The following HAUS7 variants were observed in gnomAD, a reference collection of about 807,000 sequenced individuals.
HAUS7 encodes the protein HAUS augmin like complex subunit 7.
Under a neutral mutation model 28.4 loss-of-function variants are expected in HAUS7, and 3 were observed. The ratio of observed to expected loss-of-function variants is 0.11; its 90% CI spans 0.05 to 0.27. HAUS7 has a LOEUF of 0.27. Among genes scored for constraint, HAUS7 ranks in the 10% least tolerant of loss-of-function variants. The probability of loss-of-function intolerance (pLI) is 1.00; values close to 1 mark genes in which losing one functional copy is unlikely to be tolerated. For missense variants in HAUS7, 284 were observed against 297.3 expected (o/e 0.96, Z 0.33); for synonymous variants, 165 against 132.1 (o/e 1.25, Z -1.71).
upstream of HAUS7, among the ~76,000 whole-genome samples, chrX:153,473,919 C>T (rs1411074205): frequency 8.9e-6 from 1 of 112,378 alleles, no homozygotes; most frequent in Non-Finnish European, 1.9e-5. Context: ...CATGCAGGCT[C>T]AGTACCCAGG....
chrX:153,482,222 C>T (rs2089605190), intron 1 of HAUS7: 1 of 626,508 alleles, frequency 1.6e-6, no homozygotes, highest in Non-Finnish European at 1.9e-6. Flanking sequence ...ATGCCACCAA[C>T]AGAGTGCCCT....
At chrX:153,486,577 C>T (rs1602960591) in intron 1 of HAUS7, 8 of 916,857 alleles carry the variant, frequency 8.7e-6, no homozygotes, top group Non-Finnish European at 1.2e-5. Context: ...TGATGCCTAC[C>T]CCGTCTTTCC....
intron 1 of HAUS7, among the ~76,000 whole-genome samples, chrX:153,488,257 T>G (rs1333922684): frequency 1.8e-5 from 2 of 113,022 alleles, no homozygotes; most frequent in African/African-American, 6.4e-5. Flanking sequence ...GGGCACGGCC[T>G]TCCCATTCCC....
intron 4 of HAUS7, among the ~76,000 whole-genome samples, chrX:153,461,371 T>C (rs943903934): frequency 6.3e-5 from 7 of 110,631 alleles, no homozygotes; most frequent in Admixed American, 4.8e-4. Flanking sequence ...GGAGCCCCCG[T>C]GTGCAGGGTG....
intron 1 of HAUS7, chrX:153,486,058 G>A: frequency 1.0e-6 from 1 of 963,581 alleles, no homozygotes; most frequent in Non-Finnish European, 1.3e-6. Context: ...TGGGCCTCAA[G>A]GGACTGCAGG....
In HAUS7 at chrX:153,469,253, G is replaced by A; in HGVS notation, c.117C>T (p.Asn39=). The A allele has an allele frequency of 9.5e-7, 1 of 1,057,031 alleles. No homozygotes were observed. The highest frequency in any genetic ancestry group is 1.3e-6 in the Non-Finnish European group (1 of 756,127). The allele number at this position is 1,057,031 out of a possible 1,213,427, so 87.1% of individuals were successfully genotyped here. A position where few individuals can be genotyped will look rare whatever the true frequency, so the allele number is the denominator to read the frequency against. ...VEVFGKLKDL[N]CPFLEGLYIT... ...TATACAGACCCTCGAGGAAGGGGCA[G>A]TTTAGGTCCTAAGCAAGGAAAAGGA... The change falls in exon 2 of 10, where the codon AAC becomes AAT. Residue 39 remains asparagine, a synonymous_variant. Coordinates refer to ENST00000370211, the MANE Select transcript of HAUS7 (RefSeq NM_001385482.1).
chrX:153,488,085 C>T (rs1458677491), intron 1 of HAUS7, among the ~76,000 whole-genome samples: 1 of 112,961 alleles, frequency 8.9e-6, no homozygotes, highest in East Asian at 2.8e-4. Context: ...AGGTGACAGG[C>T]ATGAAGGATG....
At position 153,486,644 on chromosome X, in the gene HAUS7, A is replaced by T. The variant is rs375625536; in HGVS notation, c.-589+8730T>A. Reference sequence around the variant, plus strand: ...CTCCCTTGCAGACAAGTGCCCTTGAATTCCATCTGTGACATGCGCGTGGCT... The same window carrying T: ...CTCCCTTGCAGACAAGTGCCCTTGATTTCCATCTGTGACATGCGCGTGGCT... On this transcript the variant is annotated intron_variant, in intron 1 of 5. Transcript: ENST00000370210. 109 of 981,312 alleles carry T rather than the reference A, an allele frequency of 1.1e-4. No individual in the cohort carries two copies. In the East Asian group the frequency reaches 5.2e-3, roughly 47 times the overall value. The allele number at this position is 981,312 out of a possible 1,213,427, so 80.9% of individuals were successfully genotyped here. A position where few individuals can be genotyped will look rare whatever the true frequency, so the allele number is the denominator to read the frequency against.
intron 1 of HAUS7, chrX:153,487,100 C>T (rs920459787): frequency 4.1e-6 from 1 of 241,597 alleles, no homozygotes; most frequent in African/African-American, 2.9e-5. Flanking sequence ...CTCCCATGTC[C>T]GTGCGGTTCC....
chrX:153,480,992 G>C, intron 1 of HAUS7: 2 of 755,100 alleles, frequency 2.6e-6, no homozygotes, highest in Non-Finnish European at 3.1e-6. Context: ...TGAAACCCAG[G>C]AGGCCCCCCA....
intron 1 of HAUS7, among the ~76,000 whole-genome samples, chrX:153,493,461 G>A (rs917160689): frequency 3.6e-5 from 4 of 112,109 alleles, no homozygotes; most frequent in Admixed American, 2.8e-4. Flanking sequence ...AGAGTCGGAC[G>A]CTGAGGCTGG....
At chrX:153,456,795 C>G in intron 5 of HAUS7, 144 bp from the exon 6 acceptor site, 1 of 495,925 alleles carries the variant, frequency 2.0e-6, no homozygotes, top group Non-Finnish European at 3.3e-6. Context: ...AATCCTGCCC[C>G]ACCTGTCTGC....
chrX:153,494,209 G>A (rs782236957), intron 1 of HAUS7, among the ~76,000 whole-genome samples: 210 of 112,271 alleles, frequency 1.9e-3, no homozygotes, highest in African/African-American at 6.4e-3. Flanking sequence ...CCAGCACAGG[G>A]CTGAGCCCAG....
upstream of HAUS7, chrX:153,471,228 C>A: frequency 4.0e-6 from 1 of 250,729 alleles, no homozygotes; most frequent in Admixed American, 5.1e-5. Flanking sequence ...CCTCTTTGCC[C>A]TCACCTAATG....
intron 1 of HAUS7, chrX:153,481,575 C>T (rs917883359): frequency 2.6e-6 from 2 of 756,267 alleles, no homozygotes; most frequent in Non-Finnish European, 3.1e-6. Context: ...AGGCAGTCAT[C>T]GCCTGTGGCA....
At chrX:153,454,589 C>T (rs371820008) in intron 8 of HAUS7, 81 bp from the exon 9 acceptor site, 5 of 583,781 alleles carry the variant, frequency 8.6e-6, no homozygotes, top group East Asian at 3.6e-5. Context: ...GTAGCGACGG[C>T]ATCTCCTGCT....
At chrX:153,454,299 G>C (rs1444719121) in intron 9 of HAUS7, 95 bp downstream of exon 9, 5 of 526,448 alleles carry the variant, frequency 9.5e-6, no homozygotes, top group Admixed American at 6.6e-5. Flanking sequence ...GAAGGGGCCG[G>C]TCCCCAAATG....
At chrX:153,450,649 G>A (rs1340042550) in intron 9 of HAUS7, among the ~76,000 whole-genome samples, 4 of 112,456 alleles carry the variant, frequency 3.6e-5, no homozygotes, top group Non-Finnish European at 7.5e-5. Context: ...AGCCTGGGGG[G>A]CGACTCCTGG....
intron 1 of HAUS7, chrX:153,481,813 A>G (rs1159380434): frequency 2.7e-6 from 2 of 753,248 alleles, no homozygotes; most frequent in Admixed American, 1.7e-4. Flanking sequence ...CGCACAGAGA[A>G]TGAAATTGCC....
Sources: gnomAD v4.1 joint callset for allele counts (sites outside exome capture counted in the v4.1 genomes callset) on GRCh38, gnomAD v4.1.1 for gene constraint, MANE v1.5 for transcripts, NCBI Gene and HGNC (gene_info 2026-07-23, HGNC 2026-07-21) for gene names.